The following RAB22A variants were observed in gnomAD, a reference collection of about 807,000 sequenced individuals.
The protein encoded by RAB22A is ras-related protein Rab-22A.
RAB22A carries 13 observed loss-of-function variants against 30.2 expected under a neutral mutation model. The observed-to-expected ratio is 0.43, with a 90% CI of 0.28 to 0.68. The LOEUF is 0.68. RAB22A is among the 30% of genes least tolerant of loss of function. The pLI is 0.18. For synonymous variants in RAB22A, 89 were observed against 87.2 expected (o/e 1.02, Z -0.11); for missense variants, 177 against 246.8 (o/e 0.72, Z 1.89).
chr20:58,362,746 A>C lies in RAB22A; in HGVS notation c.*3043A>C, dbSNP rs1459407940. 4 of 152,228 alleles carry C rather than the reference A, an allele frequency of 2.6e-5. No individual in the cohort carries two copies. The allele number at this position is 152,228 out of a possible 1,614,324, so 9.4% of individuals were successfully genotyped here. A position where few individuals can be genotyped will look rare whatever the true frequency, so the allele number is the denominator to read the frequency against. On this transcript the variant is annotated 3_prime_UTR_variant, in exon 7 of 7. Transcript: ENST00000244040. ...AATAAGTTTTACACGAAGCAGGTGA[A>C]AGATTTAGTTCTTTTCAAAGTAACT... is the stretch of plus-strand genomic sequence containing the variant.
At chr20:58,345,769 T>TG (rs1038953013) in intron 3 of RAB22A, 1 of 152,298 alleles carries the variant, frequency 6.6e-6, no homozygotes, top group African/African-American at 2.4e-5. Flanking sequence ...CCGTTTATCC[T>TG]GGGCAGTGCA....
At chr20:58,316,012 A>G (rs1986330020) in intron 2 of RAB22A, among the ~76,000 whole-genome samples, 1 of 152,068 alleles carries the variant, frequency 6.6e-6, no homozygotes, top group Non-Finnish European at 1.5e-5. Flanking sequence ...TCCCCAGCAC[A>G]CACCAAGCAG....
At chr20:58,323,090 C>G (rs1379262157) in intron 2 of RAB22A, among the ~76,000 whole-genome samples, 5 of 152,084 alleles carry the variant, frequency 3.3e-5, no homozygotes, top group Admixed American at 6.6e-5. Flanking sequence ...ACTGAATCTT[C>G]TAATATATGA....
chr20:58,333,781 G>C (rs1986699456), intron 2 of RAB22A, among the ~76,000 whole-genome samples: 1 of 152,300 alleles, frequency 6.6e-6, no homozygotes, highest in South Asian at 2.1e-4. Context: ...AGGGCCCAGT[G>C]CCATGGCTCA....
intron 2 of RAB22A, 95 bp from the exon 3 acceptor site, chr20:58,343,623 A>T: frequency 1.1e-6 from 1 of 889,720 alleles, no homozygotes; most frequent in Non-Finnish European, 1.8e-6. Context: ...GTGCTGGGAG[A>T]CTGAGCGTTG....
chr20:58,353,739 G>T (rs138966802), intron 5 of RAB22A, among the ~76,000 whole-genome samples: 15 of 152,264 alleles, frequency 9.9e-5, no homozygotes, highest in Middle Eastern at 3.4e-3. Context: ...ATACAGACAG[G>T]TGTGCAATTT....
intron 3 of RAB22A, among the ~76,000 whole-genome samples, chr20:58,351,113 G>A (rs1318247296): frequency 6.6e-6 from 1 of 152,112 alleles, no homozygotes; most frequent in Non-Finnish European, 1.5e-5. Flanking sequence ...GCCACGACAG[G>A]TAGATTTGAG....
rs140987905 is a variant in RAB22A at position 58,331,401 on chromosome 20, C to T, written c.117-12317C>T. Among the ~76,000 whole-genome samples the T allele has an allele frequency of 1.7e-3, 259 of 152,166 alleles. 1 individual carries two copies. Among genetic ancestry groups the T allele is most frequent in the African/African-American group, 5.9e-3 (246 of 41,512 alleles). ...TTATAAGCTGTATGAGAAGAGGAAC[C>T]GTATCTGAAATGACCACAGACAGCT... On this transcript the variant is annotated intron_variant, in intron 2 of 6. Transcript: ENST00000244040.
chr20:58,325,486 AC>A lies in RAB22A; in HGVS notation c.116+14365del, dbSNP rs1893297131. On this transcript the variant is annotated intron_variant, in intron 2 of 6. Coordinates refer to ENST00000244040, the MANE Select transcript of RAB22A (RefSeq NM_020673.3). The stretch of plus-strand genomic sequence containing the variant: ...AGTGAGACTCCGTCTCAAAAAAAAA[AC>A]AAAAAACTTGACTGTGGCTTTTGCT... 2.0e-5 allele frequency among the ~76,000 whole-genome samples: 3 copies of A among 152,214 alleles called. No homozygotes were observed. The South Asian group carries it at 6.2e-4, about 32-fold the overall frequency.
At position 58,363,807 on chromosome 20, in the gene RAB22A, A is replaced by T. The variant is rs74665211; in HGVS notation, c.*4104A>T. 1 of 152,156 alleles carries T rather than the reference A, an allele frequency of 6.6e-6. No individual in the cohort carries two copies. Among genetic ancestry groups the T allele is most frequent in the Non-Finnish European group, 1.5e-5 (1 of 68,028 alleles). 9.4% of individuals were successfully genotyped at this position (152,156 alleles called of 1,614,324 possible). A position where few individuals can be genotyped will look rare whatever the true frequency, so the allele number is the denominator to read the frequency against. The stretch of plus-strand genomic sequence containing the variant: ...AATGATTCAAGGTAATGTTTAGGAT[A>T]TTTGTTTTAACTCCTGCTGTGCTGT... On this transcript the variant is annotated 3_prime_UTR_variant, in exon 7 of 7. Coordinates refer to ENST00000244040, the MANE Select transcript of RAB22A (RefSeq NM_020673.3).
intron 2 of RAB22A, among the ~76,000 whole-genome samples, chr20:58,336,353 G>A (rs1986753855): frequency 6.6e-6 from 1 of 151,986 alleles, no homozygotes; most frequent in African/African-American, 2.4e-5. Flanking sequence ...TGTCAGCCTT[G>A]CTGTTCTTTT....
intron 2 of RAB22A, among the ~76,000 whole-genome samples, chr20:58,316,773 G>A (rs1261703908): frequency 2.0e-5 from 3 of 152,164 alleles, no homozygotes; most frequent in Non-Finnish European, 4.4e-5. Context: ...CACTGAGCTC[G>A]TGAACTCTCT....
rs975132032 is a variant in RAB22A, at chr20:58,364,553, C to G, written c.*4850C>G. On this transcript the variant is annotated 3_prime_UTR_variant, in exon 7 of 7. Coordinates refer to ENST00000244040, the MANE Select transcript of RAB22A (RefSeq NM_020673.3). ...TATGGTGAAATTAAAACCGTGGTGT[C>G]TAACAGATTTAACAAAAAGTGTTTA... 6.6e-6 allele frequency: 1 copy of G among 152,042 alleles called. No homozygotes were observed. Among genetic ancestry groups the G allele is most frequent in the African/African-American group, 2.4e-5 (1 of 41,394 alleles). 9.4% of individuals were successfully genotyped at this position (152,042 alleles called of 1,614,324 possible). A position where few individuals can be genotyped will look rare whatever the true frequency, so the allele number is the denominator to read the frequency against.
intron 3 of RAB22A, among the ~76,000 whole-genome samples, chr20:58,347,629 C>T (rs1986973983): frequency 6.6e-6 from 1 of 152,176 alleles, no homozygotes; most frequent in East Asian, 1.9e-4. Flanking sequence ...AGAAAATTAG[C>T]TCCTGGCTGC....
intron 3 of RAB22A, among the ~76,000 whole-genome samples, chr20:58,345,099 A>G (rs1163193810): frequency 1.3e-5 from 2 of 152,158 alleles, no homozygotes; most frequent in Non-Finnish European, 2.9e-5. Flanking sequence ...CCTGTTAGCC[A>G]CGAATCCGTG....
At chr20:58,333,276 C>CATACATAA (rs371173551) in intron 2 of RAB22A, among the ~76,000 whole-genome samples, 4 of 143,662 alleles carry the variant, frequency 2.8e-5, no homozygotes, top group African/African-American at 1.0e-4. Flanking sequence ...GAGACTCCAT[C>CATACATAA]ATAAATAAAT....
In RAB22A at chr20:58,326,764, A is replaced by G. The variant is rs546679540; in HGVS notation, c.116+15642A>G. ...CTCCTTAGTATTATTTACATACACAATCATGTTGTATGAAAATAAAGGCTG... is the reference window on the plus strand; with the variant it reads ...CTCCTTAGTATTATTTACATACACAGTCATGTTGTATGAAAATAAAGGCTG... On this transcript the variant is annotated intron_variant, in intron 2 of 6. Transcript: ENST00000244040. Among the ~76,000 whole-genome samples the G allele has an allele frequency of 4.6e-5, 7 of 152,242 alleles. No homozygotes were observed. In the East Asian group the frequency reaches 9.6e-4, roughly 21 times the overall value.
chr20:58,342,499 A>C (rs1986872084), intron 2 of RAB22A, among the ~76,000 whole-genome samples: 1 of 152,136 alleles, frequency 6.6e-6, no homozygotes, highest in South Asian at 2.1e-4. Context: ...CTGTCTATTC[A>C]ACTTGCACTT....
At chr20:58,348,764 A>G (rs1409919083) in intron 3 of RAB22A, among the ~76,000 whole-genome samples, 1 of 151,010 alleles carries the variant, frequency 6.6e-6, no homozygotes, top group African/African-American at 2.5e-5. Context: ...GGCTGCATAT[A>G]AAATACACCA....
Sources: gnomAD v4.1 joint callset for allele counts (sites outside exome capture counted in the v4.1 genomes callset) on GRCh38, gnomAD v4.1.1 for gene constraint, MANE v1.5 for transcripts, NCBI Gene and HGNC (gene_info 2026-07-23, HGNC 2026-07-21) for gene names.